The following ESR1 variants were observed in gnomAD, a reference collection of about 807,000 sequenced individuals.
The protein encoded by ESR1 is estrogen receptor 1, also known as estrogen receptor.
A neutral mutation model predicts 52.7 loss-of-function variants in ESR1; 12 were observed. The ratio of observed to expected loss-of-function variants is 0.23; its 90% CI spans 0.15 to 0.37. The LOEUF is 0.37. Ranked by LOEUF, ESR1 falls within the 10% of genes least tolerant of loss-of-function variation. ESR1 has a pLI of 1.00. For missense variants in ESR1, 584 were observed against 779.7 expected (o/e 0.75, Z 2.99); for synonymous variants, 305 against 316.8 (o/e 0.96, Z 0.39).
intron 2 of ESR1, among the ~76,000 whole-genome samples, chr6:151,851,354 T>G (rs1162486900): frequency 2.0e-5 from 3 of 152,146 alleles, no homozygotes; most frequent in Non-Finnish European, 4.4e-5. Context: ...TGCATATATT[T>G]GATTGCCCAT....
At chr6:151,728,581 A>G (rs1408504337) in intron 2 of ESR1, among the ~76,000 whole-genome samples, 1 of 152,230 alleles carries the variant, frequency 6.6e-6, no homozygotes, top group African/African-American at 2.4e-5. Flanking sequence ...GAAACTGCAG[A>G]TATTCAAAAT....
chr6:151,913,817 A>G (rs1798645228), intron 3 of ESR1, among the ~76,000 whole-genome samples: 1 of 152,150 alleles, frequency 6.6e-6, no homozygotes, highest in South Asian at 2.1e-4. Flanking sequence ...AAGCACCATC[A>G]AATTACTAGA....
chr6:151,834,169 A>ATTCT (rs1782898380), intron 1 of ESR1, among the ~76,000 whole-genome samples: 1 of 152,138 alleles, frequency 6.6e-6, no homozygotes, highest in African/African-American at 2.4e-5. Context: ...AACCAGAAAT[A>ATTCT]CCATTTGGCC....
intron 4 of ESR1, among the ~76,000 whole-genome samples, chr6:151,973,136 C>T (rs1409074450): frequency 6.6e-6 from 1 of 152,150 alleles, no homozygotes; most frequent in African/African-American, 2.4e-5. Context: ...CAATACTTTG[C>T]ATCCTTCAAT....
chr6:151,907,858 C>T (rs941215996), intron 3 of ESR1, among the ~76,000 whole-genome samples: 2 of 152,144 alleles, frequency 1.3e-5, no homozygotes, highest in Admixed American at 6.5e-5. Flanking sequence ...AAAGATTACT[C>T]TGCAAGCATC....
At chr6:151,820,692 G>A (rs1366838373) in intron 1 of ESR1, among the ~76,000 whole-genome samples, 1 of 152,166 alleles carries the variant, frequency 6.6e-6, no homozygotes, top group African/African-American at 2.4e-5. Context: ...CTTTATTTTA[G>A]TTGTGACAAT....
intron 2 of ESR1, among the ~76,000 whole-genome samples, chr6:151,779,832 G>A (rs1786367382): frequency 7.8e-6 from 1 of 128,862 alleles, no homozygotes; most frequent in African/African-American, 2.9e-5. Flanking sequence ...CCCGGGAGGC[G>A]GAGCTTGCAG....
At chr6:151,664,442 A>G (rs1037703039) in intron 1 of ESR1, among the ~76,000 whole-genome samples, 2 of 152,262 alleles carry the variant, frequency 1.3e-5, no homozygotes, top group Admixed American at 1.3e-4. Flanking sequence ...ATAACCATTT[A>G]AAATATATCA....
intron 1 of ESR1, among the ~76,000 whole-genome samples, chr6:151,658,159 C>G (rs893861931): frequency 6.6e-6 from 1 of 152,206 alleles, no homozygotes; most frequent in African/African-American, 2.4e-5. Context: ...ACTGCAGTGT[C>G]TTGACTGCAG....
intron 6 of ESR1, among the ~76,000 whole-genome samples, chr6:152,125,003 A>G (rs2052860287): frequency 6.6e-6 from 1 of 152,218 alleles, no homozygotes; most frequent in Admixed American, 6.5e-5. Flanking sequence ...ATGATGTGAA[A>G]GAAAGCTCAG....
rs567635338 is a variant in ESR1, at chr6:151,866,885, C to T, written c.644-13770C>T. Among the ~76,000 whole-genome samples the T allele has an allele frequency of 3.3e-5, 5 of 152,102 alleles. No individual in the cohort carries two copies. The South Asian group carries it at 6.2e-4, about 19-fold the overall frequency. On this transcript the variant is annotated intron_variant, in intron 2 of 7. Transcript: ENST00000206249. ...GTCAAATACTAGAAGGCTACAGTAACCAAAACAGCATGGTACTGGTACCAA... is the reference window on the plus strand; with the variant it reads ...GTCAAATACTAGAAGGCTACAGTAATCAAAACAGCATGGTACTGGTACCAA...
intron 1 of ESR1, among the ~76,000 whole-genome samples, chr6:151,834,233 A>G (rs1490412608): frequency 2.6e-5 from 4 of 152,226 alleles, no homozygotes; most frequent in Non-Finnish European, 5.9e-5. Flanking sequence ...ATTCTACTAG[A>G]AAGACACATG....
At chr6:151,991,120 A>G (rs1296271001) in intron 4 of ESR1, among the ~76,000 whole-genome samples, 1 of 152,186 alleles carries the variant, frequency 6.6e-6, no homozygotes, top group Non-Finnish European at 1.5e-5. Context: ...TGTTAAGCCA[A>G]AAGCCCATTT....
At chr6:152,010,038 A>G (rs1299057942) in intron 4 of ESR1, among the ~76,000 whole-genome samples, 5 of 152,114 alleles carry the variant, frequency 3.3e-5, no homozygotes, top group Non-Finnish European at 7.4e-5. Flanking sequence ...GGCAATGAAA[A>G]AGGAGAAAAT....
intron 1 of ESR1, among the ~76,000 whole-genome samples, chr6:151,675,955 G>C (rs10080591): frequency 6.6e-6 from 1 of 152,250 alleles, no homozygotes; most frequent in African/African-American, 2.4e-5. Flanking sequence ...GGGAAGGCCA[G>C]CACCTGCCTG....
chr6:151,697,259 T>G (rs1297274133), intron 1 of ESR1, among the ~76,000 whole-genome samples: 1 of 152,178 alleles, frequency 6.6e-6, no homozygotes, highest in African/African-American at 2.4e-5. Flanking sequence ...TTAGGACTTG[T>G]TTTTTGCAAT....
At chr6:151,932,769 T>G (rs1338903212) in intron 3 of ESR1, among the ~76,000 whole-genome samples, 3 of 151,516 alleles carry the variant, frequency 2.0e-5, no homozygotes, top group Non-Finnish European at 4.4e-5. Context: ...GTTGTAGGTA[T>G]GCGGCGTTAT....
chr6:151,666,102 G>A (rs1458995127), intron 1 of ESR1, among the ~76,000 whole-genome samples: 1 of 152,162 alleles, frequency 6.6e-6, no homozygotes, highest in East Asian at 1.9e-4. Flanking sequence ...GTTGAAATGT[G>A]TCTTTCATAA....
intron 3 of ESR1, among the ~76,000 whole-genome samples, chr6:151,939,236 T>A (rs1420003362): frequency 6.6e-6 from 1 of 152,216 alleles, no homozygotes; most frequent in Non-Finnish European, 1.5e-5. Flanking sequence ...AATATTTGCA[T>A]GATCTAAACT....
Sources: allele counts gnomAD v4.1 joint callset (sites outside exome capture counted in the v4.1 genomes callset), GRCh38; gene constraint gnomAD v4.1.1; transcripts MANE v1.5; gene names NCBI Gene and HGNC (gene_info 2026-07-23, HGNC 2026-07-21).